KIAA1549L: variants seen among roughly 807,000 people sequenced by gnomAD.
KIAA1549L encodes the protein KIAA1549 like.
A neutral mutation model predicts 160.7 loss-of-function variants in KIAA1549L; 88 were observed. That is an observed-to-expected ratio of 0.55 (90% CI 0.46 to 0.65). The LOEUF (loss-of-function observed/expected upper bound fraction) is 0.65, where lower values mean the gene tolerates loss of function less well. Among genes scored for constraint, KIAA1549L ranks in the 30% least tolerant of loss-of-function variants. The pLI is 0.00. For missense variants in KIAA1549L, 2,258 were observed against 2,437.5 expected (o/e 0.93, Z 1.55); for synonymous variants, 950 against 976.7 (o/e 0.97, Z 0.51).
At chr11:33,380,767 T>C (rs912847901) in intron 1 of KIAA1549L, among the ~76,000 whole-genome samples, 2 of 152,136 alleles carry the variant, frequency 1.3e-5, no homozygotes, top group Non-Finnish European at 2.9e-5. Context: ...TTAGCTCTTC[T>C]TGATGAATCG....
At chr11:33,466,107 T>G (rs1314497746) in intron 1 of KIAA1549L, among the ~76,000 whole-genome samples, 2 of 152,036 alleles carry the variant, frequency 1.3e-5, no homozygotes, top group African/African-American at 4.8e-5. Flanking sequence ...CAGCTGCTGC[T>G]TCTCCAAATA....
intron 1 of KIAA1549L, among the ~76,000 whole-genome samples, chr11:33,507,183 T>G (rs1853111536): frequency 6.6e-6 from 1 of 152,212 alleles, no homozygotes; most frequent in East Asian, 1.9e-4. Flanking sequence ...AGGCCGAGTT[T>G]ATTGCTTGCT....
chr11:33,615,440 TA>T (rs1229849553), intron 15 of KIAA1549L, among the ~76,000 whole-genome samples: 1 of 152,236 alleles, frequency 6.6e-6, no homozygotes, highest in African/African-American at 2.4e-5. Flanking sequence ...GTATTGCCTT[TA>T]AAAAGTATAT....
rs542562062 is a variant in KIAA1549L, at chr11:33,595,433, C to T, written c.4752-3387C>T. Among the ~76,000 whole-genome samples, 4 of 152,146 alleles carry T rather than the reference C, an allele frequency of 2.6e-5. No homozygotes were observed. The East Asian group carries it at 7.7e-4, about 29-fold the overall frequency. ...TGGTAGAGATGGAGTTTCACCATGT[C>T]GGCCAGGCTGGTCTCAAACTCCTGA... On this transcript the variant is annotated intron_variant, in intron 12 of 20. Coordinates refer to ENST00000658780, the MANE Select transcript of KIAA1549L (RefSeq NM_012194.3).
At chr11:33,662,873 C>T (rs147401768) in intron 20 of KIAA1549L, among the ~76,000 whole-genome samples, 6 of 152,254 alleles carry the variant, frequency 3.9e-5, no homozygotes, top group African/African-American at 1.2e-4. Context: ...ACCTTCCTGC[C>T]ATGATGACTG....
Position 33,455,687 on chromosome 11 carries a change from AC to A in KIAA1549L, c.238+78799del, listed in dbSNP as rs1851807779. Among the ~76,000 whole-genome samples, 9 of 152,202 alleles carry A rather than the reference AC, an allele frequency of 5.9e-5. No homozygotes were observed. The South Asian group carries it at 1.9e-3, about 31-fold the overall frequency. ...AGGCAGCCAGAAAAATTATCTGAAA[AC>A]ATGGGCCCTCTGAGAGACATTTTTT... On this transcript the variant is annotated intron_variant, in intron 1 of 20. Transcript: ENST00000658780.
At chr11:33,601,096 A>G (rs1457406391) in intron 13 of KIAA1549L, among the ~76,000 whole-genome samples, 1 of 152,206 alleles carries the variant, frequency 6.6e-6, no homozygotes, top group African/African-American at 2.4e-5. Flanking sequence ...GGGTGCAGGA[A>G]TAAAATGCAG....
intron 1 of KIAA1549L, among the ~76,000 whole-genome samples, chr11:33,471,249 T>C (rs1305154045): frequency 6.6e-6 from 1 of 151,820 alleles, no homozygotes; most frequent in Non-Finnish European, 1.5e-5. Context: ...TTCTCAGACT[T>C]TTGATCCCAG....
chr11:33,423,393 G>T (rs1590234066), intron 1 of KIAA1549L, among the ~76,000 whole-genome samples: 1 of 152,314 alleles, frequency 6.6e-6, no homozygotes, highest in East Asian at 1.9e-4. Context: ...ATAGAAATCA[G>T]CAGTTTATAA....
intron 3 of KIAA1549L, among the ~76,000 whole-genome samples, chr11:33,546,280 C>T (rs1039545891): frequency 2.6e-5 from 4 of 152,184 alleles, no homozygotes; most frequent in Non-Finnish European, 4.4e-5. Context: ...ACAAAAATTA[C>T]AGTATCTCTC....
chr11:33,402,219 A>G (rs1030277854), intron 1 of KIAA1549L, among the ~76,000 whole-genome samples: 2 of 152,058 alleles, frequency 1.3e-5, no homozygotes, highest in African/African-American at 2.4e-5. Flanking sequence ...ATCCTGCTGT[A>G]TTCCTAGTCT....
intron 1 of KIAA1549L, among the ~76,000 whole-genome samples, chr11:33,407,696 C>A (rs1025179093): frequency 6.6e-6 from 1 of 152,152 alleles, no homozygotes; most frequent in Non-Finnish European, 1.5e-5. Flanking sequence ...TCACCATTCA[C>A]AAGTACAGAG....
chr11:33,576,450 G>C (rs1044144450), intron 10 of KIAA1549L, among the ~76,000 whole-genome samples: 1 of 152,020 alleles, frequency 6.6e-6, no homozygotes, highest in Non-Finnish European at 1.5e-5. Context: ...TGTGGGCTCC[G>C]TCCTCATCTG....
At chr11:33,480,452 C>T (rs1852386666) in intron 1 of KIAA1549L, among the ~76,000 whole-genome samples, 1 of 152,162 alleles carries the variant, frequency 6.6e-6, no homozygotes, top group African/African-American at 2.4e-5. Flanking sequence ...ATTCTTTTGG[C>T]TGCTAGGAAT....
chr11:33,673,130 A>T lies in KIAA1549L; in HGVS notation c.*4976A>T, dbSNP rs1203092395. 6.6e-6 allele frequency: 1 copy of T among 152,238 alleles called. No individual in the cohort carries two copies. The highest frequency in any genetic ancestry group is 1.5e-5 in the Non-Finnish European group (1 of 68,044). The allele number at this position is 152,238 out of a possible 1,614,324, so 9.4% of individuals were successfully genotyped here. A position where few individuals can be genotyped will look rare whatever the true frequency, so the allele number is the denominator to read the frequency against. Reference sequence around the variant, plus strand: ...TGAGAAGGAATATTTAGGAAATATAATTGTGCCACACACACATTACTTTAG... The same window carrying T: ...TGAGAAGGAATATTTAGGAAATATATTTGTGCCACACACACATTACTTTAG... On this transcript the variant is annotated 3_prime_UTR_variant, in exon 21 of 21. Transcript: ENST00000658780.
At chr11:33,462,781 T>A (rs1356487414) in intron 1 of KIAA1549L, among the ~76,000 whole-genome samples, 9 of 152,120 alleles carry the variant, frequency 5.9e-5, no homozygotes, top group Admixed American at 5.9e-4. Context: ...CATTTTTTTT[T>A]TTTATTTTAA....
In KIAA1549L at chr11:33,544,884, G is replaced by A. The variant is rs377053139; in HGVS notation, c.2891G>A (p.Ser964Asn). 1.5e-5 allele frequency: 24 copies of A among 1,613,402 alleles called. No individual in the cohort carries two copies. The African/African-American group carries it at 2.9e-4, about 20-fold the overall frequency. Residue 964 changes from serine to asparagine, a missense_variant, in exon 3 of 21, where the codon AGC becomes AAC. Physicochemically the swap from Ser to Asn is conservative, Grantham distance 46. Coordinates refer to ENST00000658780, the MANE Select transcript of KIAA1549L (RefSeq NM_012194.3). ...CTGGTTGCTAAGGGCACCAGCAGCA[G>A]CCCTTTGGCCGTGGCCTCAGGACCA... ...AALVAKGTSSSPLAVASGPAK... is the reference protein window; with the variant it reads ...AALVAKGTSSNPLAVASGPAK...
intron 1 of KIAA1549L, among the ~76,000 whole-genome samples, chr11:33,404,876 G>A (rs1439809456): frequency 6.6e-6 from 1 of 151,596 alleles, no homozygotes; most frequent in East Asian, 1.9e-4. Flanking sequence ...TGGGCATGGT[G>A]GCATGCCTGT....
At chr11:33,388,896 A>C (rs962283796) in intron 1 of KIAA1549L, among the ~76,000 whole-genome samples, 1 of 152,176 alleles carries the variant, frequency 6.6e-6, no homozygotes, top group Non-Finnish European at 1.5e-5. Context: ...TTCATGTTAT[A>C]ACCAATCCTA....
Sources: allele counts gnomAD v4.1 joint callset (sites outside exome capture counted in the v4.1 genomes callset), GRCh38; gene constraint gnomAD v4.1.1; transcripts MANE v1.5; gene names NCBI Gene and HGNC (gene_info 2026-07-23, HGNC 2026-07-21).